EFNA5: variants seen among roughly 807,000 people sequenced by gnomAD.
The protein encoded by EFNA5 is ephrin-A5.
Under a neutral mutation model 22.9 loss-of-function variants are expected in EFNA5, and 5 were observed. The observed-to-expected ratio is 0.22, with a 90% CI of 0.11 to 0.46. The LOEUF (loss-of-function observed/expected upper bound fraction) is 0.46. EFNA5 is among the 20% of genes least tolerant of loss of function. EFNA5 has a pLI of 0.99. For synonymous variants in EFNA5, 113 were observed against 112.2 expected, an observed-to-expected ratio of 1.01 and a Z score of -0.04; for missense variants, 237 against 293.3, an observed-to-expected ratio of 0.81 and a Z score of 1.40.
At chr5:107,498,005 T>C (rs1182800057) in intron 1 of EFNA5, among the ~76,000 whole-genome samples, 1 of 152,196 alleles carries the variant, frequency 6.6e-6, no homozygotes, top group Non-Finnish European at 1.5e-5. Context: ...AGCCTCGGCC[T>C]CCTGAGTTCA....
Position 107,498,569 on chromosome 5 carries a change from C to A in EFNA5, c.126-71060G>T, listed in dbSNP as rs572322601. On this transcript the variant is annotated intron_variant, in intron 1 of 4. Transcript: ENST00000333274. ...TGCAGATAGTGCCACAATGGACAAA[C>A]AAACATATCACACATCGCCTCGGCT... Among the ~76,000 whole-genome samples the A allele has an allele frequency of 5.3e-5, 8 of 152,320 alleles. No individual in the cohort carries two copies. The East Asian group carries it at 1.5e-3, about 29-fold the overall frequency.
At chr5:107,478,660 G>T (rs1750373990) in intron 1 of EFNA5, among the ~76,000 whole-genome samples, 1 of 152,120 alleles carries the variant, frequency 6.6e-6, no homozygotes, top group Non-Finnish European at 1.5e-5. Flanking sequence ...GAAGTAGCAG[G>T]GGCAAAGGAA....
intron 1 of EFNA5, among the ~76,000 whole-genome samples, chr5:107,607,852 C>A (rs541605669): frequency 6.6e-6 from 1 of 152,280 alleles, no homozygotes; most frequent in African/African-American, 2.4e-5. Context: ...CTGGACCAGA[C>A]AAACCTATTA....
At chr5:107,648,994 A>G (rs1217466404) in intron 1 of EFNA5, among the ~76,000 whole-genome samples, 1 of 152,172 alleles carries the variant, frequency 6.6e-6, no homozygotes, top group Non-Finnish European at 1.5e-5. Flanking sequence ...AGATTAATGA[A>G]GTTGAAAATG....
chr5:107,552,628 C>T (rs1285399871), intron 1 of EFNA5, among the ~76,000 whole-genome samples: 2 of 152,180 alleles, frequency 1.3e-5, no homozygotes, highest in Admixed American at 6.5e-5. Flanking sequence ...TAACTGATAA[C>T]TTTTATAGTA....
At chr5:107,662,572 T>A (rs1403391445) in intron 1 of EFNA5, among the ~76,000 whole-genome samples, 2 of 152,084 alleles carry the variant, frequency 1.3e-5, no homozygotes, top group African/African-American at 4.8e-5. Flanking sequence ...TATACTCTCA[T>A]AATTTTTAGT....
rs114083110 is a variant in EFNA5, at chr5:107,431,813, T to C, written c.126-4304A>G. Reference sequence around the variant, plus strand: ...CAGGATCTGCTATGGGCTTTACATATGTTATCATATGAAATCCTCGAAACA... The same window carrying C: ...CAGGATCTGCTATGGGCTTTACATACGTTATCATATGAAATCCTCGAAACA... On this transcript the variant is annotated intron_variant, in intron 1 of 4. Transcript: ENST00000333274. Among the ~76,000 whole-genome samples, 601 of 152,318 alleles carry C rather than the reference T, an allele frequency of 3.9e-3. 1 individual carries two copies. Among genetic ancestry groups the C allele is most frequent in the Non-Finnish European group, 6.9e-3 (471 of 68,020 alleles).
At chr5:107,453,905 C>T (rs572613992) in intron 1 of EFNA5, among the ~76,000 whole-genome samples, 275 of 151,954 alleles carry the variant, frequency 1.8e-3, no homozygotes, top group Non-Finnish European at 3.2e-3. Context: ...ATAATCAGCT[C>T]TCAGCAGCCT....
chr5:107,665,844 T>C (rs1432368156), intron 1 of EFNA5, among the ~76,000 whole-genome samples: 1 of 152,174 alleles, frequency 6.6e-6, no homozygotes, highest in East Asian at 1.9e-4. Flanking sequence ...GAGGGTCAAT[T>C]CACGTCTCTT....
At chr5:107,523,032 A>T (rs1747627282) in intron 1 of EFNA5, among the ~76,000 whole-genome samples, 1 of 152,200 alleles carries the variant, frequency 6.6e-6, no homozygotes, top group Non-Finnish European at 1.5e-5. Flanking sequence ...TAAAGCAAAG[A>T]GACAAACTGG....
At chr5:107,664,879 C>A (rs996441706) in intron 1 of EFNA5, among the ~76,000 whole-genome samples, 1 of 152,106 alleles carries the variant, frequency 6.6e-6, no homozygotes, top group Non-Finnish European at 1.5e-5. Context: ...AACACAGAGT[C>A]GTTCATTATT....
intron 1 of EFNA5, among the ~76,000 whole-genome samples, chr5:107,467,543 T>C (rs1177994459): frequency 1.3e-5 from 2 of 152,168 alleles, no homozygotes; most frequent in East Asian, 3.8e-4. Context: ...AGTGTCTATT[T>C]GAAAGAAAAA....
In EFNA5 at chr5:107,387,597, T is replaced by C. The variant is rs1017721541; in HGVS notation, c.484+109A>G. 1.2e-5 allele frequency: 9 copies of C among 758,474 alleles called. No homozygotes were observed. In the East Asian group the frequency reaches 1.2e-4, roughly 10 times the overall value. The allele number at this position is 758,474 out of a possible 1,614,324, so 47.0% of individuals were successfully genotyped here. A position where few individuals can be genotyped will look rare whatever the true frequency, so the allele number is the denominator to read the frequency against. On this transcript the variant is annotated intron_variant, in intron 3 of 4. Transcript: ENST00000333274. ...TATGAATGTTGATATACAAAACAGATACCACACAAGATTTAACAGTAAAAA... is the reference window on the plus strand; with the variant it reads ...TATGAATGTTGATATACAAAACAGACACCACACAAGATTTAACAGTAAAAA...
intron 2 of EFNA5, among the ~76,000 whole-genome samples, chr5:107,391,861 C>G (rs2112491749): frequency 6.6e-6 from 1 of 152,244 alleles, no homozygotes; most frequent in South Asian, 2.1e-4. Flanking sequence ...CTCTGTGTTT[C>G]GAGTACTCTG....
chr5:107,378,041 A>T lies in EFNA5; in HGVS notation c.*3214T>A, dbSNP rs1459516199. 1 of 152,172 alleles carries T rather than the reference A, an allele frequency of 6.6e-6. No homozygotes were observed. The highest frequency in any genetic ancestry group is 1.5e-5 in the Non-Finnish European group (1 of 68,028). 9.4% of individuals were successfully genotyped at this position (152,172 alleles called of 1,614,324 possible). A position where few individuals can be genotyped will look rare whatever the true frequency, so the allele number is the denominator to read the frequency against. ...ACTCTTTTTTTCAGCCATGGTACAC[A>T]TTGGATGTTTCAAAGCCTCAATGCA... On this transcript the variant is annotated 3_prime_UTR_variant, in exon 5 of 5. Coordinates refer to ENST00000333274, the MANE Select transcript of EFNA5 (RefSeq NM_001962.3).
intron 1 of EFNA5, among the ~76,000 whole-genome samples, chr5:107,667,089 G>T (rs1751092557): frequency 6.6e-6 from 1 of 151,966 alleles, no homozygotes; most frequent in Non-Finnish European, 1.5e-5. Context: ...AATATTAAAA[G>T]GATGATTTGA....
chr5:107,452,037 T>C (rs992383099), intron 1 of EFNA5, among the ~76,000 whole-genome samples: 3 of 152,162 alleles, frequency 2.0e-5, no homozygotes, highest in South Asian at 4.1e-4. Context: ...AGGAATACTA[T>C]GCAGCCATAA....
chr5:107,398,971 G>C (rs979752890), intron 2 of EFNA5, among the ~76,000 whole-genome samples: 3 of 151,646 alleles, frequency 2.0e-5, no homozygotes, highest in South Asian at 2.1e-4. Context: ...AAATGTCAAA[G>C]AAATTAAGAA....
intron 1 of EFNA5, among the ~76,000 whole-genome samples, chr5:107,591,732 A>G (rs1175009010): frequency 1.4e-5 from 2 of 143,910 alleles, no homozygotes; most frequent in Admixed American, 7.4e-5. Context: ...GAGGCAGGAG[A>G]ATTGCTTGAC....
Sources: gnomAD v4.1 joint callset for allele counts (sites outside exome capture counted in the v4.1 genomes callset) on GRCh38, gnomAD v4.1.1 for gene constraint, MANE v1.5 for transcripts, NCBI Gene and HGNC (gene_info 2026-07-23, HGNC 2026-07-21) for gene names.